The following NUP54 variants were observed in gnomAD, a reference collection of about 807,000 sequenced individuals.
NUP54 encodes the protein nucleoporin 54, also known as nucleoporin p54.
A neutral mutation model predicts 66.4 loss-of-function variants in NUP54; 27 were observed. The observed-to-expected ratio is 0.41, with a 90% CI of 0.30 to 0.56. The LOEUF (loss-of-function observed/expected upper bound fraction) is 0.56. Ranked by LOEUF, NUP54 falls within the 20% of genes least tolerant of loss-of-function variation. The probability of loss-of-function intolerance (pLI) is 0.34; values close to 1 mark genes in which losing one functional copy is unlikely to be tolerated. For synonymous variants in NUP54, 206 were observed against 210.7 expected (o/e 0.98, Z 0.19); for missense variants, 486 against 596.3 (o/e 0.82, Z 1.93).
chr4:76,115,324 A>G lies in NUP54; in HGVS notation c.*42T>C. On this transcript the variant is annotated 3_prime_UTR_variant, in exon 12 of 12. Coordinates refer to ENST00000264883, the MANE Select transcript of NUP54 (RefSeq NM_017426.4). ...TTCTTAAGGAAGGTCTGATGCAGTAAGAAGATGCATTTCACAAACCTTTAC... is the reference window on the plus strand; with the variant it reads ...TTCTTAAGGAAGGTCTGATGCAGTAGGAAGATGCATTTCACAAACCTTTAC... The G allele has an allele frequency of 6.6e-7, 1 of 1,517,764 alleles. No homozygotes were observed. The highest frequency in any genetic ancestry group is 8.8e-7 in the Non-Finnish European group (1 of 1,135,688). The allele number at this position is 1,517,764 out of a possible 1,614,324, so 94.0% of individuals were successfully genotyped here.
chr4:76,117,903 C>T lies in NUP54; in HGVS notation c.1285-129G>A, dbSNP rs11944780. ...TATTTCTCTCTCTGTACATTATATTCGAAACACTAATACTAGCCAAAAGAA... is the reference window on the plus strand; with the variant it reads ...TATTTCTCTCTCTGTACATTATATTTGAAACACTAATACTAGCCAAAAGAA... On this transcript the variant is annotated intron_variant, in intron 10 of 11. Coordinates refer to ENST00000264883, the MANE Select transcript of NUP54 (RefSeq NM_017426.4). 3,730 of 981,064 alleles carry T rather than the reference C, an allele frequency of 3.8e-3. 88 individuals are homozygous for T. The African/African-American group carries it at 0.053, about 14-fold the overall frequency. 60.8% of individuals were successfully genotyped at this position (981,064 alleles called of 1,614,324 possible). A position where few individuals can be genotyped will look rare whatever the true frequency, so the allele number is the denominator to read the frequency against.
intron 11 of NUP54, among the ~76,000 whole-genome samples, chr4:76,116,079 G>C (rs1729938842): frequency 6.6e-6 from 1 of 152,190 alleles, no homozygotes; most frequent in Admixed American, 6.5e-5. Context: ...AGGTCATAAA[G>C]TAGATGGTGA....
intron 6 of NUP54, 26 bp downstream of exon 6, chr4:76,132,497 T>G (rs75247240): frequency 6.6e-7 from 1 of 1,508,710 alleles, no homozygotes; most frequent in Non-Finnish European, 8.9e-7. Flanking sequence ...TCTTTTTTTT[T>G]GAACTCTGTG....
intron 3 of NUP54, among the ~76,000 whole-genome samples, chr4:76,142,543 G>GT (rs1170895767): frequency 2.0e-5 from 3 of 152,226 alleles, no homozygotes; most frequent in Non-Finnish European, 4.4e-5. Context: ...AGGTATACAG[G>GT]TAAGTCACAA....
chr4:76,140,570 G>A (rs765995313), intron 3 of NUP54, among the ~76,000 whole-genome samples: 20 of 152,090 alleles, frequency 1.3e-4, no homozygotes, highest in African/African-American at 4.6e-4. Context: ...GAGCCACTGC[G>A]CTCAGCCCTT....
At position 76,147,661 on chromosome 4, in the gene NUP54, G is replaced by C. The variant is rs745410235; in HGVS notation, c.67+647C>G. The C allele has an allele frequency of 1.2e-4, 159 of 1,276,348 alleles. 1 individual carries two copies. The Middle Eastern group carries it at 2.6e-3, about 21-fold the overall frequency. The allele number at this position is 1,276,348 out of a possible 1,614,324, so 79.1% of individuals were successfully genotyped here. A position where few individuals can be genotyped will look rare whatever the true frequency, so the allele number is the denominator to read the frequency against. ...AAATCCTGATAGGCGTGTAGGCAAA[G>C]AAACAAAATTTTAAAAAGGGGGAGA... On this transcript the variant is annotated intron_variant, in intron 1 of 11. Transcript: ENST00000264883.
At chr4:76,131,160 T>C in intron 7 of NUP54, 70 bp downstream of exon 7, 1 of 898,970 alleles carries the variant, frequency 1.1e-6, no homozygotes, top group Non-Finnish European at 1.8e-6. Flanking sequence ...TTATAATTAA[T>C]AGCTCCCATG....
Position 76,130,737 on chromosome 4 carries a change from T to C in NUP54, c.975A>G (p.Val325=). The C allele has an allele frequency of 1.2e-6, 2 of 1,612,148 alleles. No homozygotes were observed. Among genetic ancestry groups the C allele is most frequent in the Non-Finnish European group, 1.7e-6 (2 of 1,178,486 alleles). Residue 325 remains valine, a synonymous_variant, in exon 8 of 12, where the codon GTA becomes GTG. Transcript: ENST00000264883. ...GAAGTTCCTTAAAACCCACCATTGGTACAGGAATTAACCTGAAGAAACGCA... is the reference window on the plus strand; with the variant it reads ...GAAGTTCCTTAAAACCCACCATTGGCACAGGAATTAACCTGAAGAAACGCA... ...DNPDSEKLIP[V]PMVGFKELLR...
chr4:76,125,837 G>GGAGAGAGA (rs558568035), intron 8 of NUP54, among the ~76,000 whole-genome samples: 39 of 54,246 alleles, frequency 7.2e-4, no homozygotes, highest in African/African-American at 2.8e-3. Context: ...GGGGAGAGAG[G>GGAGAGAGA]GAGAGAGGGA....
At chr4:76,123,040 C>T (rs1474235889) in intron 9 of NUP54, among the ~76,000 whole-genome samples, 1 of 152,184 alleles carries the variant, frequency 6.6e-6, no homozygotes, top group Non-Finnish European at 1.5e-5. Flanking sequence ...TTGCATAGGA[C>T]TGACAGATTT....
chr4:76,120,443 T>TTTTC (rs1560675030), intron 9 of NUP54, among the ~76,000 whole-genome samples: 1 of 116,066 alleles, frequency 8.6e-6, no homozygotes, highest in Non-Finnish European at 1.7e-5. Context: ...TTTTTTTTTT[T>TTTTC]TCCCCAGATG....
intron 9 of NUP54, among the ~76,000 whole-genome samples, chr4:76,120,585 T>C (rs1730191612): frequency 6.6e-6 from 1 of 152,058 alleles, no homozygotes; most frequent in Admixed American, 6.6e-5. Context: ...CCTGCCACCA[T>C]GCCCAGCTAA....
chr4:76,118,272 C>T, intron 9 of NUP54, 78 bp from the exon 10 acceptor site: 1 of 1,311,424 alleles, frequency 7.6e-7, no homozygotes, highest in Non-Finnish European at 1.1e-6. Context: ...CAATTAGTTA[C>T]TGAAAGAAAT....
intron 4 of NUP54, among the ~76,000 whole-genome samples, chr4:76,135,139 G>T (rs7699287): frequency 0.076 from 11,616 of 152,092 alleles, 474 homozygotes; most frequent in Middle Eastern, 0.12. Context: ...AGTAATGACA[G>T]TCAACTTACA....
At chr4:76,138,305 T>C (rs1194425204) in intron 3 of NUP54, among the ~76,000 whole-genome samples, 1 of 151,948 alleles carries the variant, frequency 6.6e-6, no homozygotes. Context: ...TACCGAGACA[T>C]ATGCAGTCAG....
chr4:76,130,603 T>C (rs888988995), intron 8 of NUP54, 53 bp downstream of exon 8: 21 of 1,186,612 alleles, frequency 1.8e-5, no homozygotes, highest in Non-Finnish European at 2.5e-5. Context: ...ATTAAATGTC[T>C]ATAATCCCTT....
chr4:76,129,342 A>G (rs1286993277), intron 8 of NUP54, among the ~76,000 whole-genome samples: 2 of 152,246 alleles, frequency 1.3e-5, no homozygotes, highest in Non-Finnish European at 2.9e-5. Context: ...CAGCCCTTCA[A>G]ACTATTAATA....
chr4:76,134,403 G>C (rs1730942822), intron 4 of NUP54, 41 bp from the exon 5 acceptor site: 6 of 1,499,068 alleles, frequency 4.0e-6, no homozygotes, highest in South Asian at 2.4e-5. Context: ...AATATGTACA[G>C]ATCTTAAATC....
At chr4:76,125,339 C>CGCGCGCG (rs1259863759) in intron 8 of NUP54, among the ~76,000 whole-genome samples, 2 of 127,166 alleles carry the variant, frequency 1.6e-5, no homozygotes, top group East Asian at 5.1e-4. Flanking sequence ...CACACACACA[C>CGCGCGCG]ACACACACAC....
Sources: gnomAD v4.1 joint callset for allele counts (sites outside exome capture counted in the v4.1 genomes callset) on GRCh38, gnomAD v4.1.1 for gene constraint, MANE v1.5 for transcripts, NCBI Gene and HGNC (gene_info 2026-07-23, HGNC 2026-07-21) for gene names.